The following PIGL variants were observed in gnomAD, a reference collection of about 807,000 sequenced individuals.
PIGL encodes the protein N-acetylglucosaminyl-phosphatidylinositol de-N-acetylase.
In PIGL, 22 loss-of-function variants were observed where a neutral mutation model predicts 31.1. The ratio of observed to expected loss-of-function variants is 0.71; its 90% CI spans 0.51 to 1.01. The LOEUF (loss-of-function observed/expected upper bound fraction) is 1.01, where lower values mean the gene tolerates loss of function less well. PIGL is among the 50% of genes least tolerant of loss of function. The pLI is 0.00. For missense variants in PIGL, 302 were observed against 315.9 expected (o/e 0.96, Z 0.33); for synonymous variants, 131 against 117.4 (o/e 1.12, Z -0.75).
Position 16,251,036 on chromosome 17 carries a change from G to A in PIGL, c.335+16966G>A, listed in dbSNP as rs1466713718. On this transcript the variant is annotated intron_variant, in intron 2 of 6. Coordinates refer to ENST00000225609, the MANE Select transcript of PIGL (RefSeq NM_004278.4). ...ATTAAGAGAATCTTTGTGGTCACAC[G>A]TTTAATAAATGACAATGTGAGGATT... Among the ~76,000 whole-genome samples, 6 of 152,190 alleles carry A rather than the reference G, an allele frequency of 3.9e-5. No homozygotes were observed. The South Asian group carries it at 1.0e-3, about 26-fold the overall frequency.
At chr17:16,287,211 G>T (rs1043227214) in intron 2 of PIGL, among the ~76,000 whole-genome samples, 6 of 150,826 alleles carry the variant, frequency 4.0e-5, no homozygotes, top group African/African-American at 1.5e-4. Context: ...TGCTCCTCCT[G>T]CTGTCTGCCC....
At chr17:16,304,748 G>A (rs2093019734) in intron 3 of PIGL, among the ~76,000 whole-genome samples, 1 of 152,064 alleles carries the variant, frequency 6.6e-6, no homozygotes, top group Non-Finnish European at 1.5e-5. Flanking sequence ...CATTCAGTAA[G>A]TATTTATTAA....
chr17:16,294,947 T>C (rs2092975260), intron 2 of PIGL, among the ~76,000 whole-genome samples: 1 of 152,190 alleles, frequency 6.6e-6, no homozygotes, highest in South Asian at 2.1e-4. Flanking sequence ...AGTCTCTGCG[T>C]TGTTTCACTG....
intron 3 of PIGL, among the ~76,000 whole-genome samples, chr17:16,307,202 A>G (rs900153154): frequency 1.4e-4 from 21 of 152,162 alleles, no homozygotes; most frequent in African/African-American, 5.1e-4. Flanking sequence ...CCTGAATCTC[A>G]TGATGGCCAG....
Position 16,326,219 on chromosome 17 carries a change from A to G in PIGL, c.*321A>G, listed in dbSNP as rs761918016. 2.1e-5 allele frequency: 6 copies of G among 281,918 alleles called. No individual in the cohort carries two copies. Among genetic ancestry groups the G allele is most frequent in the South Asian group, 9.7e-5 (1 of 10,266 alleles). The allele number at this position is 281,918 out of a possible 1,614,324, so 17.5% of individuals were successfully genotyped here. A position where few individuals can be genotyped will look rare whatever the true frequency, so the allele number is the denominator to read the frequency against. On this transcript the variant is annotated 3_prime_UTR_variant, in exon 7 of 7. Transcript: ENST00000225609. Reference sequence around the variant, plus strand: ...TAGCCCAGTGCCTGGGCAGGTCCCTATTATCATAAATGAACATAAAAGTGC... The same window carrying G: ...TAGCCCAGTGCCTGGGCAGGTCCCTGTTATCATAAATGAACATAAAAGTGC...
intron 2 of PIGL, among the ~76,000 whole-genome samples, chr17:16,292,317 G>A (rs1174865598): frequency 2.6e-5 from 4 of 151,712 alleles, no homozygotes; most frequent in South Asian, 2.1e-4. Flanking sequence ...CAATGTGCCC[G>A]GCTGGAATGG....
chr17:16,316,535 A>G (rs2093077728), intron 4 of PIGL, 146 bp from the exon 5 acceptor site: 19 of 708,532 alleles, frequency 2.7e-5, no homozygotes, highest in Non-Finnish European at 4.3e-5. Context: ...CTGGAAATCT[A>G]TACAGTGATT....
At chr17:16,306,522 CT>C (rs34479966) in intron 3 of PIGL, among the ~76,000 whole-genome samples, 1,614 of 113,644 alleles carry the variant, frequency 0.014, 10 homozygotes, top group African/African-American at 0.022. Context: ...GTTATACGAT[CT>C]TTTTTTTTTT....
chr17:16,318,278 T>TA (rs1193974437), intron 6 of PIGL, among the ~76,000 whole-genome samples: 1 of 151,914 alleles, frequency 6.6e-6, no homozygotes, highest in Admixed American at 6.6e-5. Context: ...TCTACTCTTT[T>TA]TTTTTTTTTG....
chr17:16,307,942 C>T (rs571032715), intron 3 of PIGL, among the ~76,000 whole-genome samples: 1 of 135,272 alleles, frequency 7.4e-6, no homozygotes, highest in East Asian at 2.1e-4. Flanking sequence ...CCAGCCTGGG[C>T]AACAGAGGGA....
chr17:16,225,217 C>A (rs2092646623), intron 1 of PIGL, among the ~76,000 whole-genome samples: 1 of 152,086 alleles, frequency 6.6e-6, no homozygotes, highest in South Asian at 2.1e-4. Context: ...TCTCATACTT[C>A]AGTATCCTCT....
In PIGL at chr17:16,326,247, TA is replaced by T. The variant is rs2093126767; in HGVS notation, c.*354del. ...ATCATAAATGAACATAAAAGTGCTC[TA>T]AAAACACTCCACAGATGTGACTTTT... On this transcript the variant is annotated 3_prime_UTR_variant, in exon 7 of 7. Transcript: ENST00000225609. The T allele has an allele frequency of 4.5e-6, 1 of 221,614 alleles. No homozygotes were observed. The highest frequency in any genetic ancestry group is 8.9e-6 in the Non-Finnish European group (1 of 112,972). The allele number at this position is 221,614 out of a possible 1,614,324, so 13.7% of individuals were successfully genotyped here.
intron 2 of PIGL, among the ~76,000 whole-genome samples, chr17:16,263,679 C>T (rs1013570119): frequency 6.6e-6 from 1 of 151,170 alleles, no homozygotes; most frequent in Admixed American, 6.6e-5. Flanking sequence ...TGCACCACCA[C>T]GCCCAGCTAA....
In PIGL at chr17:16,251,417, T is replaced by C. The variant is rs956702040; in HGVS notation, c.335+17347T>C. 9.6e-5 allele frequency among the ~76,000 whole-genome samples: 12 copies of C among 125,592 alleles called. No individual in the cohort carries two copies. In the South Asian group the frequency reaches 9.7e-4, roughly 10 times the overall value. The allele number at this position is 125,592 out of a possible 152,430, so 82.4% of individuals were successfully genotyped here. ...CAGCCTGGGCAATGGAACAAGACTCTGTCTCAAAAAAAAAAAAAAAAGACC... is the reference window on the plus strand; with the variant it reads ...CAGCCTGGGCAATGGAACAAGACTCCGTCTCAAAAAAAAAAAAAAAAGACC... On this transcript the variant is annotated intron_variant, in intron 2 of 6. Transcript: ENST00000225609.
chr17:16,264,287 C>T (rs1175634405), intron 2 of PIGL, among the ~76,000 whole-genome samples: 1 of 151,530 alleles, frequency 6.6e-6, no homozygotes, highest in Non-Finnish European at 1.5e-5. Flanking sequence ...GGATTACAGG[C>T]ATGAGTCTCT....
At chr17:16,290,464 G>T (rs750467390) in intron 2 of PIGL, among the ~76,000 whole-genome samples, 2 of 151,598 alleles carry the variant, frequency 1.3e-5, no homozygotes, top group African/African-American at 2.4e-5. Context: ...TGTGGTTATG[G>T]TTCACTGCAG....
chr17:16,310,594 T>C (rs1376271060), intron 3 of PIGL, among the ~76,000 whole-genome samples: 2 of 152,134 alleles, frequency 1.3e-5, no homozygotes, highest in Non-Finnish European at 2.9e-5. Context: ...TGGAGTCCAG[T>C]GGCGTGATAT....
intron 2 of PIGL, among the ~76,000 whole-genome samples, chr17:16,246,303 A>C (rs182738458): frequency 6.6e-6 from 1 of 151,188 alleles, no homozygotes; most frequent in East Asian, 2.0e-4. Context: ...CACGAGGTCA[A>C]GAGATCGAGA....
At chr17:16,251,312 C>A (rs1431361435) in intron 2 of PIGL, among the ~76,000 whole-genome samples, 1 of 151,588 alleles carries the variant, frequency 6.6e-6, no homozygotes, top group Admixed American at 6.6e-5. Context: ...GGTCCCAGCT[C>A]CTTGGGAGGT....
Sources: allele counts gnomAD v4.1 joint callset (sites outside exome capture counted in the v4.1 genomes callset), GRCh38; gene constraint gnomAD v4.1.1; transcripts MANE v1.5; gene names NCBI Gene and HGNC (gene_info 2026-07-23, HGNC 2026-07-21).